LDB2: variants seen among roughly 807,000 people sequenced by gnomAD.
LDB2 encodes the protein LIM domain-binding protein 2.
Under a neutral mutation model 44.3 loss-of-function variants are expected in LDB2, and 12 were observed. The observed-to-expected ratio is 0.27, with a 90% CI of 0.17 to 0.44. LDB2 has a LOEUF of 0.44. Among genes scored for constraint, LDB2 ranks in the 20% least tolerant of loss-of-function variants. The pLI is 1.00. For missense variants in LDB2, 344 were observed against 473.5 expected (o/e 0.73, Z 2.54); for synonymous variants, 164 against 174.8 (o/e 0.94, Z 0.49).
chr4:16,564,415 A>G (rs774504001), intron 5 of LDB2, among the ~76,000 whole-genome samples: 5 of 152,190 alleles, frequency 3.3e-5, no homozygotes, highest in Non-Finnish European at 7.3e-5. Flanking sequence ...GCCTCCTTCC[A>G]TTTAACCACC....
intron 1 of LDB2, among the ~76,000 whole-genome samples, chr4:16,865,305 C>T (rs1300918305): frequency 6.6e-6 from 1 of 152,188 alleles, no homozygotes; most frequent in East Asian, 1.9e-4. Context: ...GTCATCTTCA[C>T]ACCTCCCTGG....
At chr4:16,768,893 G>T (rs1440230334) in intron 1 of LDB2, among the ~76,000 whole-genome samples, 17 of 152,160 alleles carry the variant, frequency 1.1e-4, no homozygotes, top group Admixed American at 1.1e-3. Flanking sequence ...GAGGCACTGA[G>T]GAGTTAGATA....
chr4:16,599,689 A>T (rs1182793009), intron 2 of LDB2, among the ~76,000 whole-genome samples: 1 of 152,170 alleles, frequency 6.6e-6, no homozygotes, highest in Non-Finnish European at 1.5e-5. Context: ...GCAATATATA[A>T]ATAATGCGCA....
At chr4:16,776,061 T>C (rs1442184871) in intron 1 of LDB2, among the ~76,000 whole-genome samples, 1 of 152,206 alleles carries the variant, frequency 6.6e-6, no homozygotes, top group African/African-American at 2.4e-5. Context: ...AGCATCCATA[T>C]TTAGATCAGC....
At chr4:16,841,520 A>G (rs1785890567) in intron 1 of LDB2, among the ~76,000 whole-genome samples, 1 of 152,244 alleles carries the variant, frequency 6.6e-6, no homozygotes, top group African/African-American at 2.4e-5. Flanking sequence ...TAAGATTCTA[A>G]TTCTCACAGT....
intron 2 of LDB2, among the ~76,000 whole-genome samples, chr4:16,628,353 T>G (rs1730877773): frequency 6.6e-6 from 1 of 152,148 alleles, no homozygotes; most frequent in Non-Finnish European, 1.5e-5. Flanking sequence ...CCCAAGATGT[T>G]GCCATTTGAC....
At chr4:16,723,977 C>A (rs1258784712) in intron 2 of LDB2, among the ~76,000 whole-genome samples, 1 of 152,100 alleles carries the variant, frequency 6.6e-6, no homozygotes, top group Non-Finnish European at 1.5e-5. Flanking sequence ...AACGACAGTG[C>A]CATAAAGTTA....
At chr4:16,851,527 G>C (rs1327645591) in intron 1 of LDB2, among the ~76,000 whole-genome samples, 1 of 151,852 alleles carries the variant, frequency 6.6e-6, no homozygotes, top group East Asian at 1.9e-4. Flanking sequence ...CCAGGAGGTG[G>C]AGGTTGCAGT....
At chr4:16,685,915 G>T (rs1353932187) in intron 2 of LDB2, among the ~76,000 whole-genome samples, 2 of 152,156 alleles carry the variant, frequency 1.3e-5, no homozygotes, top group Non-Finnish European at 2.9e-5. Context: ...AGTTGGGCAT[G>T]GTGGTGTGTG....
intron 2 of LDB2, among the ~76,000 whole-genome samples, chr4:16,614,773 T>C (rs1278173342): frequency 1.3e-5 from 2 of 151,786 alleles, no homozygotes; most frequent in African/African-American, 4.8e-5. Flanking sequence ...TGGTGATTAG[T>C]AAAAAGTCAA....
At chr4:16,602,420 G>A (rs920859188) in intron 2 of LDB2, among the ~76,000 whole-genome samples, 136 of 152,130 alleles carry the variant, frequency 8.9e-4, no homozygotes, top group African/African-American at 3.0e-3. Flanking sequence ...AGTGTGCTAC[G>A]GTATCAGAAA....
intron 1 of LDB2, among the ~76,000 whole-genome samples, chr4:16,759,768 G>T (rs1034115062): frequency 6.6e-6 from 1 of 152,126 alleles, no homozygotes; most frequent in African/African-American, 2.4e-5. Flanking sequence ...ATACATGGAT[G>T]GATAGATTGA....
intron 1 of LDB2, among the ~76,000 whole-genome samples, chr4:16,792,342 T>G (rs1561247059): frequency 6.6e-6 from 1 of 152,234 alleles, no homozygotes; most frequent in Non-Finnish European, 1.5e-5. Context: ...TATTCAATCC[T>G]CATGACAAGC....
chr4:16,645,354 G>A (rs1442835960), intron 2 of LDB2, among the ~76,000 whole-genome samples: 1 of 151,416 alleles, frequency 6.6e-6, no homozygotes, highest in Non-Finnish European at 1.5e-5. Flanking sequence ...GGCTAACAAG[G>A]TGAAACCCCG....
At chr4:16,810,003 A>T (rs973082857) in intron 1 of LDB2, among the ~76,000 whole-genome samples, 2 of 152,224 alleles carry the variant, frequency 1.3e-5, no homozygotes, top group South Asian at 2.1e-4. Context: ...CAAACAGTTC[A>T]TGATCTAAAT....
chr4:16,792,831 T>C (rs1019689123), intron 1 of LDB2, among the ~76,000 whole-genome samples: 1 of 152,232 alleles, frequency 6.6e-6, no homozygotes, highest in Non-Finnish European at 1.5e-5. Flanking sequence ...AGGAACATCA[T>C]GATACATTTT....
chr4:16,687,120 A>AAG (rs920239135), intron 2 of LDB2, among the ~76,000 whole-genome samples: 49 of 152,334 alleles, frequency 3.2e-4, no homozygotes, highest in Admixed American at 1.2e-3. Context: ...ACTTGAAAAA[A>AAG]AAAACCATTA....
intron 2 of LDB2, among the ~76,000 whole-genome samples, chr4:16,758,038 G>A (rs1183880563): frequency 6.6e-6 from 1 of 152,088 alleles, no homozygotes; most frequent in Non-Finnish European, 1.5e-5. Flanking sequence ...AGTCCACTCC[G>A]GGCTGCTCCT....
At chr4:16,879,946 T>G (rs2110421451) in intron 1 of LDB2, among the ~76,000 whole-genome samples, 1 of 152,220 alleles carries the variant, frequency 6.6e-6, no homozygotes, top group East Asian at 1.9e-4. Flanking sequence ...GGTGTCCAAC[T>G]CTCTTTACAC....
Sources: gnomAD v4.1 joint callset for allele counts (sites outside exome capture counted in the v4.1 genomes callset) on GRCh38, gnomAD v4.1.1 for gene constraint, MANE v1.5 for transcripts, NCBI Gene and HGNC (gene_info 2026-07-23, HGNC 2026-07-21) for gene names.